The following MSH3 variants were observed in gnomAD, a reference collection of about 807,000 sequenced individuals.
MSH3 encodes mutS homolog 3.
In MSH3, 106 loss-of-function variants were observed where a neutral mutation model predicts 123.3. The ratio of observed to expected loss-of-function variants is 0.86; its 90% CI spans 0.73 to 1.01. The LOEUF is 1.01. Among genes scored for constraint, MSH3 ranks in the 50% least tolerant of loss-of-function variants. The probability of loss-of-function intolerance (pLI) is 0.00; values close to 1 mark genes in which losing one functional copy is unlikely to be tolerated. For missense variants in MSH3, 1,459 were observed against 1,347.6 expected (o/e 1.08, Z -1.29); for synonymous variants, 515 against 481.4 (o/e 1.07, Z -0.91).
chr5:80,745,087 T>C (rs1370978688), intron 12 of MSH3, among the ~76,000 whole-genome samples: 1 of 152,128 alleles, frequency 6.6e-6, no homozygotes, highest in Non-Finnish European at 1.5e-5. Flanking sequence ...AGGTGTGAAA[T>C]GCTTAGAAGA....
At chr5:80,806,215 CA>C (rs1205253516) in intron 19 of MSH3, among the ~76,000 whole-genome samples, 1 of 152,210 alleles carries the variant, frequency 6.6e-6, no homozygotes, top group Non-Finnish European at 1.5e-5. Flanking sequence ...TCTCCTGCCT[CA>C]GCCTCCCAAG....
chr5:80,777,662 T>C (rs1744329020), intron 16 of MSH3, among the ~76,000 whole-genome samples: 1 of 152,178 alleles, frequency 6.6e-6, no homozygotes, highest in African/African-American at 2.4e-5. Flanking sequence ...GCAGTTTATC[T>C]GTTTGGCCAT....
intron 13 of MSH3, among the ~76,000 whole-genome samples, chr5:80,762,814 TG>T (rs1744062565): frequency 3.4e-5 from 5 of 148,504 alleles, no homozygotes; most frequent in Admixed American, 1.4e-4. Flanking sequence ...TGTTATGTTA[TG>T]TTATGTTATG....
At chr5:80,657,286 C>A (rs1561431165) in intron 2 of MSH3, among the ~76,000 whole-genome samples, 1 of 152,072 alleles carries the variant, frequency 6.6e-6, no homozygotes, top group Non-Finnish European at 1.5e-5. Flanking sequence ...ACTAAAAATA[C>A]AAAAATTAGT....
intron 20 of MSH3, among the ~76,000 whole-genome samples, chr5:80,826,065 C>T (rs920514848): frequency 4.6e-5 from 7 of 152,302 alleles, no homozygotes; most frequent in African/African-American, 1.7e-4. Context: ...CCCTTCGCTT[C>T]TTTTATGGGA....
chr5:80,735,373 C>A, intron 10 of MSH3, among the ~76,000 whole-genome samples: 1 of 95,948 alleles, frequency 1.0e-5, no homozygotes, highest in Non-Finnish European at 1.9e-5. Flanking sequence ...GACAGTGAGA[C>A]TTCATCTCAA....
chr5:80,703,805 T>C (rs1285286389), intron 8 of MSH3, among the ~76,000 whole-genome samples: 1 of 143,858 alleles, frequency 7.0e-6, no homozygotes, highest in African/African-American at 2.6e-5. Context: ...ATATAAAGAG[T>C]TTTTTTTTTA....
intron 10 of MSH3, among the ~76,000 whole-genome samples, chr5:80,731,883 A>G (rs906701683): frequency 1.3e-5 from 2 of 152,214 alleles, no homozygotes; most frequent in Non-Finnish European, 1.5e-5. Context: ...TTACAAAGCT[A>G]TGTTATCAAG....
At chr5:80,723,605 T>C (rs1751133548) in intron 8 of MSH3, among the ~76,000 whole-genome samples, 1 of 152,178 alleles carries the variant, frequency 6.6e-6, no homozygotes, top group Admixed American at 6.5e-5. Flanking sequence ...GTATAAATCT[T>C]AGAAATAGTG....
chr5:80,842,801 T>G (rs1370732861), intron 20 of MSH3, among the ~76,000 whole-genome samples: 2 of 152,192 alleles, frequency 1.3e-5, no homozygotes, highest in Non-Finnish European at 2.9e-5. Context: ...AAGGAGATTT[T>G]GGGCTGAGAC....
chr5:80,754,332 G>A (rs1743886448), intron 12 of MSH3, among the ~76,000 whole-genome samples: 1 of 151,882 alleles, frequency 6.6e-6, no homozygotes, highest in Admixed American at 6.6e-5. Context: ...CATAGATGGA[G>A]CCATAATATA....
At chr5:80,711,704 G>C (rs1220497857) in intron 8 of MSH3, among the ~76,000 whole-genome samples, 2 of 151,872 alleles carry the variant, frequency 1.3e-5, no homozygotes, top group African/African-American at 4.8e-5. Flanking sequence ...GCCCAGGCTG[G>C]AGTACAATGG....
chr5:80,787,008 CCTTGT>C (rs1405268926), intron 17 of MSH3, among the ~76,000 whole-genome samples: 3 of 152,058 alleles, frequency 2.0e-5, no homozygotes, highest in Admixed American at 6.6e-5. Flanking sequence ...TACCTTTTCC[CCTTGT>C]CTTCAATAAA....
At chr5:80,660,619 T>C (rs144690226) in intron 2 of MSH3, among the ~76,000 whole-genome samples, 1 of 152,346 alleles carries the variant, frequency 6.6e-6, no homozygotes, top group Non-Finnish European at 1.5e-5. Context: ...ACTGTATTTC[T>C]TCGGAGATTC....
rs529345476 is a variant in MSH3, at chr5:80,727,230, T to G, written c.1454-1621T>G. ...ACAGGCAGTGCTACTTCTAACACAT[T>G]GATACACCATCTTTGTCATGTTTTC... On this transcript the variant is annotated intron_variant, in intron 9 of 23. Coordinates refer to ENST00000265081, the MANE Select transcript of MSH3 (RefSeq NM_002439.5). Among the ~76,000 whole-genome samples, 5 of 152,332 alleles carry G rather than the reference T, an allele frequency of 3.3e-5. No homozygotes were observed. In the East Asian group the frequency reaches 9.6e-4, roughly 29 times the overall value.
chr5:80,857,942 T>C (rs1471814298), intron 21 of MSH3, among the ~76,000 whole-genome samples: 1 of 152,142 alleles, frequency 6.6e-6, no homozygotes, highest in Non-Finnish European at 1.5e-5. Context: ...GCTCTTCTCT[T>C]TCTGGTGTCC....
rs752719913 is a variant in MSH3, at chr5:80,873,230, T to C, written c.3245T>C (p.Ile1082Thr). The C allele has an allele frequency of 1.1e-5, 18 of 1,613,858 alleles. No individual in the cohort carries two copies. Among genetic ancestry groups the C allele is most frequent in the Non-Finnish European group, 1.5e-5 (18 of 1,179,950 alleles). ...AAACTAGCAGATGTTCCTGGAGAAA[T>C]TTTGAAGAAAGCAGCTCACAAGTCA... is the stretch of plus-strand genomic sequence containing the variant. Reference protein sequence around the residue: ...VAKLADVPGEILKKAAHKSKE... With the variant: ...VAKLADVPGETLKKAAHKSKE... The change falls in exon 23 of 24, where the codon ATT (isoleucine) becomes ACT (threonine). Residue 1082 changes from isoleucine to threonine, a missense_variant. By Grantham distance (89) the Ile-to-Thr change is moderately conservative (BLOSUM62 -1). Coordinates refer to ENST00000265081, the MANE Select transcript of MSH3 (RefSeq NM_002439.5).
At chr5:80,767,891 A>G (rs1170127432) in intron 13 of MSH3, 42 bp from the exon 14 acceptor site, 2 of 1,454,326 alleles carry the variant, frequency 1.4e-6, no homozygotes, top group Non-Finnish European at 1.9e-6. Flanking sequence ...CTTCATTTTC[A>G]TGTATCTTAT....
At chr5:80,824,418 C>T (rs1013778635) in intron 20 of MSH3, among the ~76,000 whole-genome samples, 13 of 150,722 alleles carry the variant, frequency 8.6e-5, no homozygotes, top group Non-Finnish European at 1.5e-4. Context: ...CCCTCCCAGA[C>T]GGGGCGGCTG....
Sources: allele counts gnomAD v4.1 joint callset (sites outside exome capture counted in the v4.1 genomes callset), GRCh38; gene constraint gnomAD v4.1.1; transcripts MANE v1.5; gene names NCBI Gene and HGNC (gene_info 2026-07-23, HGNC 2026-07-21).